NBDY: variants seen among roughly 807,000 people sequenced by gnomAD.
The protein encoded by NBDY is P-body dissociating protein.
intron 2 of NBDY, among the ~76,000 whole-genome samples, chrX:56,741,945 T>C (rs2069534016): frequency 9.0e-6 from 1 of 111,728 alleles, no homozygotes; most frequent in African/African-American, 3.2e-5. Flanking sequence ...TATTTTCTTG[T>C]TGTAGTTTCA....
chrX:56,732,664 C>A (rs1171859294), intron 2 of NBDY, among the ~76,000 whole-genome samples: 1 of 111,733 alleles, frequency 8.9e-6, no homozygotes, highest in African/African-American at 3.2e-5. Context: ...GGAACAACAG[C>A]ATTGGTAGAG....
intron 1 of NBDY, among the ~76,000 whole-genome samples, chrX:56,729,952 T>C (rs1357735390): frequency 1.8e-5 from 2 of 109,998 alleles, no homozygotes; most frequent in Non-Finnish European, 1.9e-5. Context: ...GGATTTATTA[T>C]ATTATTCTCT....
chrX:56,808,362 A>T (rs1256974491), intron 2 of NBDY, among the ~76,000 whole-genome samples: 6 of 111,718 alleles, frequency 5.4e-5, no homozygotes, highest in Admixed American at 1.9e-4. Context: ...CTCTGGTAGA[A>T]TTCGTCTGTG....
At chrX:56,790,622 T>C (rs1473540945) in intron 2 of NBDY, among the ~76,000 whole-genome samples, 2 of 112,035 alleles carry the variant, frequency 1.8e-5, no homozygotes, top group East Asian at 2.8e-4. Flanking sequence ...TCTTTAGGAG[T>C]GACATGGCAA....
chrX:56,734,502 T>C (rs1283488500), intron 2 of NBDY, among the ~76,000 whole-genome samples: 5 of 112,666 alleles, frequency 4.4e-5, no homozygotes, highest in African/African-American at 9.7e-5. Context: ...CAATAAAAGA[T>C]ATCAAACATT....
In NBDY at chrX:56,740,960, G is replaced by A. The variant is rs193052206; in HGVS notation, c.*166+8761G>A. 4.6e-3 allele frequency among the ~76,000 whole-genome samples: 511 copies of A among 109,988 alleles called. 6 individuals carry two copies. The highest frequency in any genetic ancestry group is 0.016 in the African/African-American group (485 of 30,285). ...TCTTATTCATTCTTTTTGTATACCC[G>A]TTAACCATCCCCACTCTCCCCCACC... On this transcript the variant is annotated intron_variant, in intron 2 of 2. Transcript: ENST00000374922.
chrX:56,766,943 G>A lies in NBDY; in HGVS notation c.*166+34744G>A, dbSNP rs190518018. Among the ~76,000 whole-genome samples the A allele has an allele frequency of 9.7e-3, 1,089 of 112,528 alleles. 10 individuals carry two copies. Among genetic ancestry groups the A allele is most frequent in the South Asian group, 0.028 (76 of 2,719 alleles). On this transcript the variant is annotated intron_variant, in intron 2 of 2. Coordinates refer to ENST00000374922, the MANE Select transcript of NBDY (RefSeq NM_001348129.2). ...GAGTTGCTGAATGTCCCCGCTGAGG[G>A]AGACTCCTGCCTCAGGCCCTGTGGC...
At chrX:56,783,379 G>A (rs1171552834) in intron 2 of NBDY, among the ~76,000 whole-genome samples, 2 of 113,157 alleles carry the variant, frequency 1.8e-5, no homozygotes, top group East Asian at 5.6e-4. Flanking sequence ...CCCCAGCCAA[G>A]GGCATCCCAG....
chrX:56,758,898 C>T (rs2069624663), intron 2 of NBDY, among the ~76,000 whole-genome samples: 1 of 111,872 alleles, frequency 8.9e-6, no homozygotes, highest in Non-Finnish European at 1.9e-5. Flanking sequence ...TTTAGGGTCT[C>T]CAGGCAGACA....
Position 56,817,814 on chromosome X carries a change from T to C in NBDY, c.*661T>C, listed in dbSNP as rs1200622703. The C allele has an allele frequency of 8.9e-6, 1 of 111,830 alleles. No individual in the cohort carries two copies. The highest frequency in any genetic ancestry group is 9.5e-5 in the Admixed American group (1 of 10,481). 9.2% of individuals were successfully genotyped at this position (111,830 alleles called of 1,213,427 possible). On this transcript the variant is annotated 3_prime_UTR_variant, in exon 3 of 3. Coordinates refer to ENST00000374922, the MANE Select transcript of NBDY (RefSeq NM_001348129.2). ...ACACTTTCTTTAATTTGCTGTCAGT[T>C]TTTGCATGGAATCTACATCTTTTTA...
rs977948117 is a variant in NBDY at position 56,817,491 on chromosome X, T to G, written c.*338T>G. 1 of 112,001 alleles carries G rather than the reference T, an allele frequency of 8.9e-6. No individual in the cohort carries two copies. The highest frequency in any genetic ancestry group is 1.9e-5 in the Non-Finnish European group (1 of 53,260). The allele number at this position is 112,001 out of a possible 1,213,427, so 9.2% of individuals were successfully genotyped here. Reference sequence around the variant, plus strand: ...GTCCTGCAGCAGCCAACCAGTGAACTCTTTTGGTGACATCCTGTTCTTGTT... The same window carrying G: ...GTCCTGCAGCAGCCAACCAGTGAACGCTTTTGGTGACATCCTGTTCTTGTT... On this transcript the variant is annotated 3_prime_UTR_variant, in exon 3 of 3. Coordinates refer to ENST00000374922, the MANE Select transcript of NBDY (RefSeq NM_001348129.2).
chrX:56,784,235 G>A (rs1602661084), intron 2 of NBDY, among the ~76,000 whole-genome samples: 1 of 112,337 alleles, frequency 8.9e-6, no homozygotes, highest in Non-Finnish European at 1.9e-5. Context: ...TCCTCTTGGG[G>A]AAGGGACCAA....
intron 2 of NBDY, among the ~76,000 whole-genome samples, chrX:56,734,734 G>C (rs1201907779): frequency 2.7e-5 from 3 of 111,738 alleles, no homozygotes; most frequent in Non-Finnish European, 5.6e-5. Context: ...CCACATAGAA[G>C]GAAGAGAGGG....
chrX:56,735,802 T>C (rs1216330337), intron 2 of NBDY, among the ~76,000 whole-genome samples: 1 of 111,677 alleles, frequency 9.0e-6, no homozygotes, highest in Non-Finnish European at 1.9e-5. Flanking sequence ...CTTTTCTGCC[T>C]CCTTCTGCGA....
At position 56,817,925 on chromosome X, in the gene NBDY, C is replaced by T. The variant is rs765048289; in HGVS notation, c.*772C>T. On this transcript the variant is annotated 3_prime_UTR_variant, in exon 3 of 3. Transcript: ENST00000374922. ...TGTGCTTGTTTTTTGTAATTTTCTACTTTCCTTCTAAAATGCTTAGTATTG... is the reference window on the plus strand; with the variant it reads ...TGTGCTTGTTTTTTGTAATTTTCTATTTTCCTTCTAAAATGCTTAGTATTG... 2 of 111,374 alleles carry T rather than the reference C, an allele frequency of 1.8e-5. No homozygotes were observed. Among genetic ancestry groups the T allele is most frequent in the Non-Finnish European group, 3.8e-5 (2 of 53,073 alleles). 9.2% of individuals were successfully genotyped at this position (111,374 alleles called of 1,213,427 possible).
chrX:56,755,956 C>T (rs1257864330), intron 2 of NBDY, among the ~76,000 whole-genome samples: 1 of 104,707 alleles, frequency 9.6e-6, no homozygotes, highest in Admixed American at 1.0e-4. Flanking sequence ...GAATACTATG[C>T]AGCCATAAAA....
At chrX:56,791,420 C>T (rs2069762373) in intron 2 of NBDY, among the ~76,000 whole-genome samples, 1 of 111,748 alleles carries the variant, frequency 8.9e-6, no homozygotes, top group Non-Finnish European at 1.9e-5. Context: ...TTATCTTCCT[C>T]TTTTTTGGGG....
At chrX:56,742,918 G>T (rs2069538486) in intron 2 of NBDY, among the ~76,000 whole-genome samples, 1 of 111,525 alleles carries the variant, frequency 9.0e-6, no homozygotes, top group African/African-American at 3.3e-5. Flanking sequence ...TAGAGGAAAA[G>T]CTTTCAGTTT....
chrX:56,783,496 CTG>C (rs747347328), intron 2 of NBDY, among the ~76,000 whole-genome samples: 5 of 112,421 alleles, frequency 4.4e-5, no homozygotes, highest in East Asian at 5.6e-4. Flanking sequence ...CAGCTCCACT[CTG>C]TGGGCTGACG....
Sources: allele counts gnomAD v4.1 joint callset (sites outside exome capture counted in the v4.1 genomes callset), GRCh38; gene constraint gnomAD v4.1.1; transcripts MANE v1.5; gene names NCBI Gene and HGNC (gene_info 2026-07-23, HGNC 2026-07-21).